The following MYO9B variants were observed in gnomAD, a reference collection of about 807,000 sequenced individuals.
MYO9B encodes the protein unconventional myosin-IXb.
Under a neutral mutation model 229.5 loss-of-function variants are expected in MYO9B, and 71 were observed. The observed-to-expected ratio is 0.31, with a 90% confidence interval of 0.26 to 0.38. The LOEUF (loss-of-function observed/expected upper bound fraction) is 0.38, where lower values mean the gene tolerates loss of function less well. Among genes scored for constraint, MYO9B ranks in the 10% least tolerant of loss-of-function variants. The pLI is 1.00. For missense variants in MYO9B, 2,255 were observed against 2,920.5 expected, an observed-to-expected ratio of 0.77 and a Z score of 5.25; for synonymous variants, 1,185 against 1,235.8, an observed-to-expected ratio of 0.96 and a Z score of 0.86.
At chr19:17,187,415 C>T (rs1482121370) in intron 18 of MYO9B, among the ~76,000 whole-genome samples, 1 of 151,856 alleles carries the variant, frequency 6.6e-6, no homozygotes, top group Non-Finnish European at 1.5e-5. Flanking sequence ...GAACACTGGG[C>T]TTTGTCCGCC....
At chr19:17,167,440 A>G (rs2072671540) in intron 10 of MYO9B, among the ~76,000 whole-genome samples, 1 of 148,384 alleles carries the variant, frequency 6.7e-6, no homozygotes, top group Admixed American at 6.7e-5. Flanking sequence ...CATTTTGGAT[A>G]TATCATGTTA....
At chr19:17,123,424 T>TTG (rs3222984) in intron 2 of MYO9B, among the ~76,000 whole-genome samples, 38,212 of 146,668 alleles carry the variant, frequency 0.26, 5,003 homozygotes, top group African/African-American at 0.31. Context: ...CAGTAGAAAT[T>TTG]TGTGTGTGTG....
chr19:17,187,955 C>T lies in MYO9B; in HGVS notation c.2598C>T (p.Asp866=), dbSNP rs368131065. The T allele has an allele frequency of 1.8e-5, 28 of 1,592,552 alleles. No individual in the cohort carries two copies. The highest frequency in any genetic ancestry group is 2.1e-5 in the Non-Finnish European group (25 of 1,169,740). Residue 866 remains aspartate, a synonymous_variant, in exon 19 of 40, where the codon GAC becomes GAT. Coordinates refer to ENST00000682292, the MANE Select transcript of MYO9B (RefSeq NM_004145.4). Reference sequence around the variant, plus strand: ...TTCAGAAAGAGCTGTGCTTTGACGACGAGCTGGTCCTGCAGCAGCTGCGCT... The same window carrying T: ...TTCAGAAAGAGCTGTGCTTTGACGATGAGCTGGTCCTGCAGCAGCTGCGCT... ...NAEKKELCFD[D]ELVLQQLRYT... is the part of the protein sequence containing the mutation.
intron 3 of MYO9B, among the ~76,000 whole-genome samples, chr19:17,152,184 C>CGCAAAAAAA (rs779620184): frequency 1.1e-5 from 1 of 87,318 alleles, no homozygotes. Context: ...AAGACTCCAT[C>CGCAAAAAAA]ACAAAAAAAA....
intron 2 of MYO9B, among the ~76,000 whole-genome samples, chr19:17,118,651 T>G (rs117978353): frequency 0.015 from 2,235 of 151,956 alleles, 30 homozygotes; most frequent in Admixed American, 0.041. Context: ...CCACCTGATT[T>G]TTGTATTTTT....
At chr19:17,209,526 G>A (rs902157324) in intron 35 of MYO9B, 60 bp from the exon 36 acceptor site, 10 of 1,533,152 alleles carry the variant, frequency 6.5e-6, no homozygotes, top group Non-Finnish European at 8.8e-6. Flanking sequence ...CATCTCCCTG[G>A]ACCTCAGACG....
At chr19:17,162,561 G>C in intron 9 of MYO9B, 95 bp downstream of exon 9, 1 of 1,073,296 alleles carries the variant, frequency 9.3e-7, no homozygotes, top group Non-Finnish European at 1.4e-6. Flanking sequence ...ATCCGGAGCC[G>C]AGGCATCTGC....
chr19:17,210,954 T>G (rs969601689), intron 38 of MYO9B, 106 bp downstream of exon 38: 31 of 993,430 alleles, frequency 3.1e-5, no homozygotes, highest in Non-Finnish European at 4.2e-5. Context: ...GGTCCTGTCA[T>G]CCCTAACACT....
chr19:17,193,963 A>G lies in MYO9B; in HGVS notation c.3129-593A>G, dbSNP rs1020729355. On this transcript the variant is annotated intron_variant, in intron 21 of 39. Transcript: ENST00000682292. This position sits in a 1 kb window ranked among gnomAD's most constrained non-coding sequence, Gnocchi z 4.3. The stretch of plus-strand genomic sequence containing the variant: ...CAAGGCAGGCAGATCACATGAGGCC[A>G]GGAGTTGGAGACCAGCCTAGCCAAC... Among the ~76,000 whole-genome samples, 6 of 152,168 alleles carry G rather than the reference A, an allele frequency of 3.9e-5. No individual in the cohort carries two copies. Among genetic ancestry groups the G allele is most frequent in the Admixed American group, 2.6e-4 (4 of 15,268 alleles).
intron 34 of MYO9B, 86 bp downstream of exon 34, chr19:17,206,870 G>A: frequency 7.5e-7 from 1 of 1,328,176 alleles, no homozygotes; most frequent in Non-Finnish European, 1.1e-6. Flanking sequence ...ACCCGAGCTG[G>A]CGTTCTGTGG....
chr19:17,104,676 T>G (rs951952363), intron 2 of MYO9B, among the ~76,000 whole-genome samples: 53 of 152,126 alleles, frequency 3.5e-4, no homozygotes, highest in African/African-American at 1.2e-3. Context: ...TCCTCCCACC[T>G]TGGCCTCCCA....
chr19:17,151,187 A>C (rs1011006130), intron 3 of MYO9B, among the ~76,000 whole-genome samples: 1 of 151,934 alleles, frequency 6.6e-6, no homozygotes, highest in Non-Finnish European at 1.5e-5. Context: ...CTGAGGCAGG[A>C]GAATTGCTTG....
At chr19:17,128,867 A>G (rs1009695768) in intron 2 of MYO9B, among the ~76,000 whole-genome samples, 4 of 152,212 alleles carry the variant, frequency 2.6e-5, no homozygotes, top group South Asian at 4.1e-4. Flanking sequence ...TTTGCAAACC[A>G]AAAAGCAAGG....
intron 2 of MYO9B, among the ~76,000 whole-genome samples, chr19:17,126,983 C>T: frequency 7.2e-6 from 1 of 138,780 alleles, no homozygotes. Flanking sequence ...CACACCCACC[C>T]GATCTTTTGA....
intron 1 of MYO9B, among the ~76,000 whole-genome samples, chr19:17,089,224 C>CGT (rs149265012): frequency 4.0e-5 from 6 of 151,628 alleles, no homozygotes; most frequent in African/African-American, 1.5e-4. Flanking sequence ...GTCATTCCTT[C>CGT]GTGTGTGTGT....
chr19:17,153,487 G>A (rs1362613336), intron 4 of MYO9B, among the ~76,000 whole-genome samples: 4 of 149,882 alleles, frequency 2.7e-5, no homozygotes, highest in Non-Finnish European at 5.9e-5. Context: ...AGGAGTTCGA[G>A]ACCAGCCTGG....
intron 17 of MYO9B, among the ~76,000 whole-genome samples, 197 bp downstream of exon 17, chr19:17,185,184 G>A (rs950556427): frequency 1.3e-5 from 2 of 152,054 alleles, no homozygotes; most frequent in African/African-American, 2.4e-5. Flanking sequence ...GACCATCCTT[G>A]CTAACACGGT....
intron 8 of MYO9B, 109 bp from the exon 9 acceptor site, chr19:17,162,241 G>C: frequency 1.2e-6 from 1 of 824,564 alleles, no homozygotes. Context: ...GGAGGTGGAG[G>C]TTGCAGTGAG....
intron 1 of MYO9B, among the ~76,000 whole-genome samples, chr19:17,076,989 A>G (rs1271042377): frequency 1.3e-5 from 2 of 151,936 alleles, no homozygotes. Flanking sequence ...TCTTTAAGGG[A>G]TGGCTTCTCT....
Sources: allele counts gnomAD v4.1 joint callset (sites outside exome capture counted in the v4.1 genomes callset), GRCh38; gene constraint gnomAD v4.1.1; non-coding constraint Gnocchi (gnomAD v3.1); transcripts MANE v1.5; gene names NCBI Gene and HGNC (gene_info 2026-07-23, HGNC 2026-07-21).